STUM: variants seen among roughly 807,000 people sequenced by gnomAD.
STUM encodes the protein protein stum homolog.
In STUM, 8 loss-of-function variants were observed where a neutral mutation model predicts 15.3. The observed-to-expected ratio is 0.52, with a 90% CI of 0.31 to 0.94. STUM has a LOEUF of 0.94. STUM is among the 40% of genes least tolerant of loss of function. The probability of loss-of-function intolerance (pLI) is 0.05; values close to 1 mark genes in which losing one functional copy is unlikely to be tolerated. For synonymous variants in STUM, 78 were observed against 88.7 expected (o/e 0.88, Z 0.68); for missense variants, 142 against 204.9 (o/e 0.69, Z 1.87).
At chr1:226,568,373 T>C (rs1667655331) in intron 1 of STUM, among the ~76,000 whole-genome samples, 1 of 152,182 alleles carries the variant, frequency 6.6e-6, no homozygotes, top group Non-Finnish European at 1.5e-5. Context: ...CTATCAGCAC[T>C]GCTCCAAGGG....
intron 1 of STUM, among the ~76,000 whole-genome samples, chr1:226,558,816 G>A (rs1051220650): frequency 5.9e-5 from 9 of 152,160 alleles, no homozygotes; most frequent in African/African-American, 1.9e-4. Flanking sequence ...ATATACCTTT[G>A]AGGCACATAC....
chr1:226,557,209 A>T (rs933808296), intron 1 of STUM, among the ~76,000 whole-genome samples: 1 of 152,234 alleles, frequency 6.6e-6, no homozygotes, highest in African/African-American at 2.4e-5. Context: ...TAGATTCCAC[A>T]TGTGAGAACA....
chr1:226,565,399 C>T lies in STUM; in HGVS notation c.202+16293C>T, dbSNP rs183618673. Among the ~76,000 whole-genome samples, 84 of 152,282 alleles carry T rather than the reference C, an allele frequency of 5.5e-4. No individual in the cohort carries two copies. In the East Asian group the frequency reaches 0.016, roughly 28 times the overall value. On this transcript the variant is annotated intron_variant, in intron 1 of 3. Transcript: ENST00000366788. The surrounding 1 kb of genome is among the most constrained non-coding windows in gnomAD (Gnocchi z 4.4). ...CACAGAGATGTTTGTTTTTAGCACCCCTGACTAGACTGTGGGGTCCTGAAC... is the reference window on the plus strand; with the variant it reads ...CACAGAGATGTTTGTTTTTAGCACCTCTGACTAGACTGTGGGGTCCTGAAC...
In STUM at chr1:226,564,070, C is replaced by A. The variant is rs1410805235; in HGVS notation, c.202+14964C>A. Among the ~76,000 whole-genome samples the A allele has an allele frequency of 2.0e-5, 3 of 152,188 alleles. 1 individual carries two copies. The highest frequency in any genetic ancestry group is 4.4e-5 in the Non-Finnish European group (3 of 68,032). On this transcript the variant is annotated intron_variant, in intron 1 of 3. Transcript: ENST00000366788. ...CATCCTGAGCACAAGGCCCTCAGTG[C>A]TTGGGAATTGATTGGGGCTAAAGGG...
At position 226,581,561 on chromosome 1, in the gene STUM, G is replaced by GTTTA. The variant is rs534890461; in HGVS notation, c.203-15221_203-15218dup. 3.9e-4 allele frequency among the ~76,000 whole-genome samples: 60 copies of GTTTA among 152,202 alleles called. 1 individual carries two copies. In the South Asian group the frequency reaches 8.9e-3, roughly 23 times the overall value. ...ATGAGCTTAGCTCTCTCTTCCTCTT[G>GTTTA]TTTATTTATTTATTTATTTATTTTT... is the stretch of plus-strand genomic sequence containing the variant. On this transcript the variant is annotated intron_variant, in intron 1 of 3. Coordinates refer to ENST00000366788, the MANE Select transcript of STUM (RefSeq NM_001003665.4).
Position 226,609,006 on chromosome 1 carries a change from A to C in STUM, c.*6966A>C, listed in dbSNP as rs1398091859. 1.3e-5 allele frequency: 2 copies of C among 152,222 alleles called. No homozygotes were observed. The highest frequency in any genetic ancestry group is 4.8e-5 in the African/African-American group (2 of 41,458). 9.4% of individuals were successfully genotyped at this position (152,222 alleles called of 1,614,324 possible). On this transcript the variant is annotated 3_prime_UTR_variant, in exon 4 of 4. Transcript: ENST00000366788. Reference sequence around the variant, plus strand: ...CAGCATTACTGTACATGCAATGAAAAATACTATATATGACAGTCAAAACCT... The same window carrying C: ...CAGCATTACTGTACATGCAATGAAACATACTATATATGACAGTCAAAACCT...
chr1:226,601,978 C>A, intron 3 of STUM, 28 bp from the exon 4 acceptor site: 1 of 1,607,968 alleles, frequency 6.2e-7, no homozygotes, highest in Non-Finnish European at 8.5e-7. Context: ...AGGTGTCTAA[C>A]CATCTCTCCT....
At chr1:226,573,407 G>A (rs1202685554) in intron 1 of STUM, among the ~76,000 whole-genome samples, 12 of 152,298 alleles carry the variant, frequency 7.9e-5, no homozygotes, top group African/African-American at 2.9e-4. Context: ...CAGAAGATGG[G>A]ATTTATTGGT....
intron 1 of STUM, among the ~76,000 whole-genome samples, chr1:226,573,636 G>T (rs943506554): frequency 8.6e-5 from 13 of 152,034 alleles, no homozygotes; most frequent in Non-Finnish European, 1.6e-4. Flanking sequence ...AAAAGAGGGG[G>T]TTTTATTTAT....
At chr1:226,576,577 A>G (rs912573997) in intron 1 of STUM, among the ~76,000 whole-genome samples, 1 of 152,190 alleles carries the variant, frequency 6.6e-6, no homozygotes, top group Admixed American at 6.5e-5. Context: ...TAAAATGTGC[A>G]TAACGTAATA....
At position 226,600,582 on chromosome 1, in the gene STUM, C is replaced by A; in HGVS notation, c.383-84C>A. On this transcript the variant is annotated intron_variant, in intron 2 of 3. Transcript: ENST00000366788. This position sits in a 1 kb window ranked among gnomAD's most constrained non-coding sequence, Gnocchi z 5.2. ...GCTTTGTTTCCTGTGCCAAGCGTTC[C>A]CTGTGGCTCTGTTTTCAGGCTGTGT... 1 of 1,534,420 alleles carries A rather than the reference C, an allele frequency of 6.5e-7. No homozygotes were observed. Among genetic ancestry groups the A allele is most frequent in the South Asian group, 1.1e-5 (1 of 89,568 alleles).
intron 1 of STUM, among the ~76,000 whole-genome samples, chr1:226,562,259 A>G (rs111434111): frequency 0.038 from 5,802 of 152,134 alleles, 352 homozygotes; most frequent in African/African-American, 0.13. Context: ...ACCTGAGGTC[A>G]GGAGTTTGAG....
intron 1 of STUM, among the ~76,000 whole-genome samples, chr1:226,558,062 C>G (rs1228936733): frequency 6.6e-6 from 1 of 152,174 alleles, no homozygotes; most frequent in African/African-American, 2.4e-5. Flanking sequence ...AGCCTTTCCT[C>G]TAAGATCTGG....
chr1:226,572,227 C>T (rs1341142497), intron 1 of STUM, among the ~76,000 whole-genome samples: 1 of 152,222 alleles, frequency 6.6e-6, no homozygotes, highest in Non-Finnish European at 1.5e-5. Flanking sequence ...TGTTCTGGGT[C>T]AAGGTCATTG....
intron 2 of STUM, among the ~76,000 whole-genome samples, chr1:226,597,846 C>T (rs1668207754): frequency 6.6e-6 from 1 of 152,216 alleles, no homozygotes. Context: ...AGTGGGTCAG[C>T]TGCACTGCCA....
intron 3 of STUM, 58 bp from the exon 4 acceptor site, chr1:226,601,948 G>A (rs778075307): frequency 6.5e-7 from 1 of 1,527,586 alleles, no homozygotes; most frequent in Non-Finnish European, 9.0e-7. Context: ...GGCACCTCCT[G>A]GAGAAATCCT....
chr1:226,579,669 C>T (rs1667888045), intron 1 of STUM, among the ~76,000 whole-genome samples: 1 of 148,884 alleles, frequency 6.7e-6, no homozygotes, highest in Non-Finnish European at 1.5e-5. Context: ...GCCTTTTTCG[C>T]CCAGGCTGGT....
intron 1 of STUM, among the ~76,000 whole-genome samples, chr1:226,554,072 C>T (rs1366774173): frequency 6.6e-6 from 1 of 152,224 alleles, no homozygotes; most frequent in East Asian, 1.9e-4. Context: ...GGTTTGGCCA[C>T]GTGACTCGCT....
intron 1 of STUM, among the ~76,000 whole-genome samples, chr1:226,587,332 C>T (rs892288631): frequency 6.6e-6 from 1 of 152,122 alleles, no homozygotes; most frequent in South Asian, 2.1e-4. Context: ...TTCCTTCTGT[C>T]CTCGGAAGGA....
Sources: gnomAD v4.1 joint callset for allele counts (sites outside exome capture counted in the v4.1 genomes callset) on GRCh38, gnomAD v4.1.1 for gene constraint, Gnocchi (gnomAD v3.1) non-coding constraint, MANE v1.5 for transcripts, NCBI Gene and HGNC (gene_info 2026-07-23, HGNC 2026-07-21) for gene names.